The following VIPR1 variants were observed in gnomAD, a reference collection of about 807,000 sequenced individuals.
VIPR1 encodes the protein vasoactive intestinal peptide receptor 1.
In VIPR1, 59 loss-of-function variants were observed where a neutral mutation model predicts 58.8. That is an observed-to-expected ratio of 1.00 (90% CI 0.81 to 1.25). The LOEUF (loss-of-function observed/expected upper bound fraction) is 1.25. Among genes scored for constraint, VIPR1 ranks in the 50% most tolerant of loss-of-function variants. The pLI, the probability that VIPR1 is intolerant of heterozygous loss-of-function variation, is 0.00. For missense variants in VIPR1, 626 were observed against 602.7 expected (o/e 1.04, Z -0.40); for synonymous variants, 251 against 242.1 (o/e 1.04, Z -0.34).
chr3:42,505,428 A>C (rs1700076824), intron 1 of VIPR1, among the ~76,000 whole-genome samples: 1 of 152,058 alleles, frequency 6.6e-6, no homozygotes, highest in East Asian at 1.9e-4. Flanking sequence ...TTGCCTTGCC[A>C]CCGGCATCCT....
chr3:42,502,117 A>G (rs1237126798), upstream of VIPR1: 3 of 152,234 alleles, frequency 2.0e-5, no homozygotes, highest in African/African-American at 4.8e-5. Context: ...AAACAACCCG[A>G]TCTCTGTCAG....
chr3:42,535,536 C>T, intron 12 of VIPR1, 152 bp downstream of exon 12: 2 of 812,610 alleles, frequency 2.5e-6, no homozygotes, highest in Non-Finnish European at 4.0e-6. Flanking sequence ...TCACCTAGGC[C>T]CTTGTTAAAA....
chr3:42,503,365 G>T (rs970519408), intron 1 of VIPR1, among the ~76,000 whole-genome samples: 3 of 152,134 alleles, frequency 2.0e-5, no homozygotes, highest in Admixed American at 2.0e-4. Context: ...AAGCAAAAAG[G>T]TACCAGACCC....
chr3:42,514,541 CCACACA>C (rs111610459), intron 2 of VIPR1, among the ~76,000 whole-genome samples: 22 of 144,174 alleles, frequency 1.5e-4, no homozygotes, highest in African/African-American at 2.3e-4. Flanking sequence ...GATAGTGACA[CCACACA>C]CACACACACA....
rs1169136923 is a variant in VIPR1, at chr3:42,535,111, G to A, written c.1140+7G>A. On this transcript the variant is annotated splice_region_variant and intron_variant, in intron 11 of 12. Transcript: ENST00000325123. ...CGTCGTGGGGTCTTTCCAGGTATGG[G>A]CTGTTGACTTAAGGCTGCATTCTTC... The A allele has an allele frequency of 4.3e-6, 7 of 1,614,082 alleles. No homozygotes were observed. Among genetic ancestry groups the A allele is most frequent in the Middle Eastern group, 1.6e-4 (1 of 6,084 alleles).
At chr3:42,533,861 G>T (rs1347421064) in intron 10 of VIPR1, 2 of 152,342 alleles carry the variant, frequency 1.3e-5, no homozygotes, top group African/African-American at 4.8e-5. Context: ...CCAGCTTGCT[G>T]TGGGACCTCA....
chr3:42,513,905 A>G, intron 2 of VIPR1, 51 bp downstream of exon 2: 1 of 1,524,536 alleles, frequency 6.6e-7, no homozygotes, highest in Non-Finnish European at 8.9e-7. Context: ...GGAGCCCAAG[A>G]TTCCTCATGT....
chr3:42,526,214 G>A (rs1480176641), intron 4 of VIPR1, among the ~76,000 whole-genome samples: 3 of 152,202 alleles, frequency 2.0e-5, no homozygotes, highest in African/African-American at 7.2e-5. Context: ...GGGGCCCCCA[G>A]AGCAGCAAAA....
At chr3:42,522,101 ATTTTTT>A (rs1158302778) in intron 3 of VIPR1, among the ~76,000 whole-genome samples, 625 of 35,046 alleles carry the variant, frequency 0.018, 16 homozygotes, top group African/African-American at 0.056. Flanking sequence ...ATATATATAT[ATTTTTT>A]TTTTTTTTTT....
chr3:42,498,480 C>T (rs1203315806), upstream of VIPR1, among the ~76,000 whole-genome samples: 3 of 152,198 alleles, frequency 2.0e-5, no homozygotes, highest in Non-Finnish European at 4.4e-5. Context: ...ACACTCCTAA[C>T]TCCACCTTAG....
At chr3:42,530,371 G>T (rs9836133) in intron 6 of VIPR1, 8,913 of 195,756 alleles carry the variant, frequency 0.046, 522 homozygotes, top group East Asian at 0.17. Flanking sequence ...TGGGTGGATG[G>T]ATTGATAGAT....
intron 4 of VIPR1, among the ~76,000 whole-genome samples, 177 bp downstream of exon 4, chr3:42,526,170 C>G (rs996980374): frequency 3.3e-5 from 5 of 152,220 alleles, no homozygotes; most frequent in Admixed American, 6.5e-5. Flanking sequence ...TTGGCTCCCC[C>G]TGACAGGGTA....
Position 42,527,398 on chromosome 3 carries a change from G to A in VIPR1, c.405G>A (p.Gln135=). Residue 135 remains glutamine, a synonymous_variant, in exon 5 of 13, where the codon CAG becomes CAA. Transcript: ENST00000325123. The part of the protein sequence containing the change: ...DDKAASLDEQ[Q]TMFYGSVKTG... Reference sequence around the variant, plus strand: ...TCTCCCTGTCCCTCCAACAGCAGCAGACCATGTTCTACGGTTCTGTGAAGA... The same window carrying A: ...TCTCCCTGTCCCTCCAACAGCAGCAAACCATGTTCTACGGTTCTGTGAAGA... 1 of 1,613,274 alleles carries A rather than the reference G, an allele frequency of 6.2e-7. No individual in the cohort carries two copies. The highest frequency in any genetic ancestry group is 1.1e-5 in the South Asian group (1 of 91,044).
chr3:42,513,478 GC>G, intron 1 of VIPR1: 1 of 398,564 alleles, frequency 2.5e-6, no homozygotes. Flanking sequence ...CTGGAGTTGT[GC>G]CACCCGCAAA....
chr3:42,536,910 G>C lies in VIPR1; in HGVS notation c.*629G>C, dbSNP rs1032057155. ...ATCTTAGTGGTTCCCCACCGAAGTG[G>C]ACTGGCCCCTGGGTCAGTCTGGTGG... On this transcript the variant is annotated 3_prime_UTR_variant, in exon 13 of 13. Coordinates refer to ENST00000325123, the MANE Select transcript of VIPR1 (RefSeq NM_004624.4). The C allele has an allele frequency of 3.3e-5, 5 of 152,216 alleles. No individual in the cohort carries two copies. Among genetic ancestry groups the C allele is most frequent in the African/African-American group, 1.2e-4 (5 of 41,452 alleles). 9.4% of individuals were successfully genotyped at this position (152,216 alleles called of 1,614,324 possible). A position where few individuals can be genotyped will look rare whatever the true frequency, so the allele number is the denominator to read the frequency against.
In VIPR1 at chr3:42,532,398, T is replaced by A. The variant is rs542104588; in HGVS notation, c.1010+65T>A. 5.0e-5 allele frequency: 76 copies of A among 1,515,304 alleles called. No homozygotes were observed. The African/African-American group carries it at 9.3e-4, about 19-fold the overall frequency. 93.9% of individuals were successfully genotyped at this position (1,515,304 alleles called of 1,614,324 possible). A position where few individuals can be genotyped will look rare whatever the true frequency, so the allele number is the denominator to read the frequency against. ...TCCCCAGTCCTCAAATCATCCCACA[T>A]CTCCTTGAAGTCCTCCCACCCCAAA... is the stretch of plus-strand genomic sequence containing the variant. On this transcript the variant is annotated intron_variant, in intron 10 of 12. Coordinates refer to ENST00000325123, the MANE Select transcript of VIPR1 (RefSeq NM_004624.4).
Position 42,532,346 on chromosome 3 carries a change from C to T in VIPR1, c.1010+13C>T. 6.2e-7 allele frequency: 1 copy of T among 1,612,320 alleles called. No homozygotes were observed. The highest frequency in any genetic ancestry group is 8.5e-7 in the Non-Finnish European group (1 of 1,178,380). ...GCAGTCCATACTCGTGAGTGTGGGC[C>T]TAGTGCCTCAGCCCCCAGTACCTCC... On this transcript the variant is annotated intron_variant, in intron 10 of 12. Coordinates refer to ENST00000325123, the MANE Select transcript of VIPR1 (RefSeq NM_004624.4).
intron 12 of VIPR1, 98 bp downstream of exon 12, chr3:42,535,482 A>G: frequency 4.5e-6 from 6 of 1,331,074 alleles, no homozygotes; most frequent in Non-Finnish European, 6.5e-6. Flanking sequence ...GACGGGTTAA[A>G]CCTTGCTGCT....
At chr3:42,492,956 C>T (rs1699692442) in intron 1 of VIPR1, among the ~76,000 whole-genome samples, 1 of 152,220 alleles carries the variant, frequency 6.6e-6, no homozygotes, top group African/African-American at 2.4e-5. Context: ...GAACCAGCAA[C>T]CAATGGAGGG....
Sources: allele counts gnomAD v4.1 joint callset (sites outside exome capture counted in the v4.1 genomes callset), GRCh38; gene constraint gnomAD v4.1.1; transcripts MANE v1.5; gene names NCBI Gene and HGNC (gene_info 2026-07-23, HGNC 2026-07-21).